The following LRMDA variants were observed in gnomAD, a reference collection of about 807,000 sequenced individuals.
The protein encoded by LRMDA is leucine-rich melanocyte differentiation-associated protein.
A neutral mutation model predicts 29.8 loss-of-function variants in LRMDA; 18 were observed. The ratio of observed to expected loss-of-function variants is 0.60; its 90% confidence interval spans 0.42 to 0.90. LRMDA has a LOEUF of 0.90. Among genes scored for constraint, LRMDA ranks in the 40% least tolerant of loss-of-function variants. The pLI, the probability that LRMDA is intolerant of heterozygous loss-of-function variation, is 0.00. For missense variants in LRMDA, 273 were observed against 273.9 expected, an observed-to-expected ratio of 1.00 and a Z score of 0.02; for synonymous variants, 125 against 109.4, an observed-to-expected ratio of 1.14 and a Z score of -0.89.
chr10:76,273,915 T>C (rs1840098546), intron 5 of LRMDA, among the ~76,000 whole-genome samples: 1 of 152,222 alleles, frequency 6.6e-6, no homozygotes. Flanking sequence ...CATGGTTTTA[T>C]TGTCTTCAAA....
At chr10:75,754,082 A>G (rs865964620) in intron 2 of LRMDA, among the ~76,000 whole-genome samples, 1 of 152,206 alleles carries the variant, frequency 6.6e-6, no homozygotes, top group African/African-American at 2.4e-5. Flanking sequence ...TCTTCTGTAT[A>G]TGCACATTCC....
At chr10:76,188,257 A>T (rs1851182853) in intron 5 of LRMDA, among the ~76,000 whole-genome samples, 1 of 152,142 alleles carries the variant, frequency 6.6e-6, no homozygotes, top group South Asian at 2.1e-4. Context: ...CCTGGCTGGG[A>T]TTATGATAGC....
At chr10:76,109,245 T>C (rs914782460) in intron 5 of LRMDA, among the ~76,000 whole-genome samples, 6 of 152,214 alleles carry the variant, frequency 3.9e-5, no homozygotes, top group Admixed American at 2.0e-4. Context: ...TTTGATGACC[T>C]TAATAGCATT....
intron 6 of LRMDA, among the ~76,000 whole-genome samples, chr10:76,416,306 G>A (rs1842013794): frequency 1.3e-5 from 2 of 152,164 alleles, no homozygotes; most frequent in African/African-American, 2.4e-5. Flanking sequence ...TCCTGCTGAG[G>A]TTCGTGTGGA....
intron 5 of LRMDA, among the ~76,000 whole-genome samples, chr10:76,163,110 A>C (rs971796488): frequency 6.6e-6 from 1 of 152,226 alleles, no homozygotes; most frequent in African/African-American, 2.4e-5. Flanking sequence ...ATTGGAACAT[A>C]AATGGCAGCT....
At chr10:76,207,823 G>A (rs1851564864) in intron 5 of LRMDA, among the ~76,000 whole-genome samples, 1 of 152,130 alleles carries the variant, frequency 6.6e-6, no homozygotes, top group Non-Finnish European at 1.5e-5. Flanking sequence ...AGTTAGCTGG[G>A]CGTGGTGGCA....
chr10:75,786,868 C>A (rs758825985), intron 2 of LRMDA, among the ~76,000 whole-genome samples: 6 of 152,188 alleles, frequency 3.9e-5, no homozygotes, highest in Non-Finnish European at 8.8e-5. Flanking sequence ...ACAAGTTGTA[C>A]TAAAAGCCTA....
At chr10:75,756,591 AG>A (rs2085397287) in intron 2 of LRMDA, among the ~76,000 whole-genome samples, 1 of 152,246 alleles carries the variant, frequency 6.6e-6, no homozygotes, top group Non-Finnish European at 1.5e-5. Flanking sequence ...TAACTGATAA[AG>A]GTGCTCTCTT....
chr10:76,474,144 T>C (rs1475257194), intron 6 of LRMDA, among the ~76,000 whole-genome samples: 1 of 151,660 alleles, frequency 6.6e-6, no homozygotes, highest in East Asian at 1.9e-4. Context: ...GGCGCTCAGG[T>C]AACTGGATAG....
At chr10:76,076,078 T>G (rs528671600) in intron 5 of LRMDA, among the ~76,000 whole-genome samples, 1 of 152,184 alleles carries the variant, frequency 6.6e-6, no homozygotes, top group African/African-American at 2.4e-5. Flanking sequence ...GCGCGGTGGC[T>G]CATGCCTGTA....
At chr10:75,915,087 G>T (rs1008451143) in intron 2 of LRMDA, among the ~76,000 whole-genome samples, 1 of 146,060 alleles carries the variant, frequency 6.8e-6, no homozygotes, top group Non-Finnish European at 1.5e-5. Context: ...GTTTAAAGCT[G>T]AAGAGGCCTT....
chr10:75,536,086 G>A (rs967184796), intron 2 of LRMDA, among the ~76,000 whole-genome samples: 5 of 152,046 alleles, frequency 3.3e-5, no homozygotes, highest in African/African-American at 7.3e-5. Context: ...TGCCGCCGTC[G>A]CTCTGTTCCT....
intron 5 of LRMDA, among the ~76,000 whole-genome samples, chr10:76,268,550 T>G (rs1840031726): frequency 6.6e-6 from 1 of 152,210 alleles, no homozygotes; most frequent in Admixed American, 6.5e-5. Context: ...AGGAGGACAT[T>G]AGGAAAGCCT....
At chr10:75,703,044 C>T (rs1842327094) in intron 2 of LRMDA, among the ~76,000 whole-genome samples, 1 of 152,150 alleles carries the variant, frequency 6.6e-6, no homozygotes, top group Admixed American at 6.5e-5. Context: ...AGGGAATAAA[C>T]ACATCATTAC....
chr10:76,292,787 G>A (rs766531140), intron 5 of LRMDA, among the ~76,000 whole-genome samples: 17 of 151,842 alleles, frequency 1.1e-4, no homozygotes, highest in African/African-American at 4.1e-4. Flanking sequence ...CAATTGGCTT[G>A]TAGATTGGAC....
At chr10:75,808,486 T>C (rs1174809062) in intron 2 of LRMDA, among the ~76,000 whole-genome samples, 1 of 152,230 alleles carries the variant, frequency 6.6e-6, no homozygotes, top group Non-Finnish European at 1.5e-5. Context: ...CATCTTTCTA[T>C]AATCATTTGA....
At chr10:76,349,477 A>T (rs1255941838) in intron 6 of LRMDA, among the ~76,000 whole-genome samples, 1 of 152,004 alleles carries the variant, frequency 6.6e-6, no homozygotes, top group East Asian at 1.9e-4. Context: ...TATATATATT[A>T]TATATATTTA....
chr10:75,972,051 A>C (rs1846982611), intron 2 of LRMDA, among the ~76,000 whole-genome samples: 2 of 152,236 alleles, frequency 1.3e-5, no homozygotes, highest in Admixed American at 1.3e-4. Context: ...TTGGCTGGCA[A>C]GAAAGGGGGA....
chr10:75,665,957 G>A (rs1457178928), intron 2 of LRMDA, among the ~76,000 whole-genome samples: 1 of 152,100 alleles, frequency 6.6e-6, no homozygotes, highest in Non-Finnish European at 1.5e-5. Context: ...GCCTGTATAT[G>A]TGTGTTACTT....
Sources: allele counts gnomAD v4.1 joint callset (sites outside exome capture counted in the v4.1 genomes callset), GRCh38; gene constraint gnomAD v4.1.1; transcripts MANE v1.5; gene names NCBI Gene and HGNC (gene_info 2026-07-23, HGNC 2026-07-21).